The following ZNF711 variants were observed in gnomAD, a reference collection of about 807,000 sequenced individuals.
ZNF711 encodes zinc finger protein 711.
In ZNF711, 3 loss-of-function variants were observed where a neutral mutation model predicts 43.5. The ratio of observed to expected loss-of-function variants is 0.07; its 90% confidence interval spans 0.03 to 0.18. The LOEUF (loss-of-function observed/expected upper bound fraction) is 0.18. Ranked by LOEUF, ZNF711 falls within the 10% of genes least tolerant of loss-of-function variation. ZNF711 has a pLI of 1.00. For synonymous variants in ZNF711, 209 were observed against 207.7 expected (o/e 1.01, Z -0.06); for missense variants, 412 against 604.0 (o/e 0.68, Z 3.33).
At chrX:85,264,530 T>A (rs1271364054) in intron 6 of ZNF711, 100 bp downstream of exon 6, 9 of 785,393 alleles carry the variant, frequency 1.1e-5, no homozygotes, top group Admixed American at 4.0e-5. Flanking sequence ...TGGGTTTTTT[T>A]AATACGTTTT....
rs1931412347 is a variant in ZNF711 at position 85,269,746 on chromosome X, TTGA to T, written c.1103-252_1103-250del. Among the ~76,000 whole-genome samples the T allele has an allele frequency of 3.6e-5, 4 of 112,021 alleles. No homozygotes were observed. The South Asian group carries it at 1.5e-3, about 41-fold the overall frequency. On this transcript the variant is annotated intron_variant, in intron 9 of 10. Coordinates refer to ENST00000674551, the MANE Select transcript of ZNF711 (RefSeq NM_001330574.2). ...TAAAATAGAGATATTTTAAATTTAA[TTGA>T]TGATCAAATTGAGATATTTTAAAGT...
chrX:85,268,268 CT>C (rs753221892), intron 8 of ZNF711, 25 bp from the exon 9 acceptor site: 138,307 of 784,812 alleles, frequency 0.18, 5 homozygotes, highest in Non-Finnish European at 0.19. Flanking sequence ...TGTAATTGGT[CT>C]TTTTTTTTTT....
chrX:85,264,387 A>G lies in ZNF711; in HGVS notation c.735A>G (p.Lys245=). 1 of 1,205,792 alleles carries G rather than the reference A, an allele frequency of 8.3e-7. No individual in the cohort carries two copies. The highest frequency in any genetic ancestry group is 3.0e-5 in the East Asian group (1 of 33,701). ...ATGGGTTTGGTTCTGAAGTTATAAAAGTGTATATATTTAAAGCGGAGGCTG... is the reference window on the plus strand; with the variant it reads ...ATGGGTTTGGTTCTGAAGTTATAAAGGTGTATATATTTAAAGCGGAGGCTG... ...KEDGFGSEVI[K]VYIFKAEAED... is the part of the protein sequence containing the mutation. Residue 245 remains lysine (K), a synonymous_variant, in exon 6 of 11, where the codon AAA becomes AAG. Coordinates refer to ENST00000674551, the MANE Select transcript of ZNF711 (RefSeq NM_001330574.2).
chrX:85,261,955 C>T (rs543307585), intron 5 of ZNF711, among the ~76,000 whole-genome samples: 4 of 110,712 alleles, frequency 3.6e-5, no homozygotes, highest in Admixed American at 9.7e-5. Context: ...TTGTTAATTT[C>T]GTACTTTCCA....
At chrX:85,264,758 C>A (rs969770728) in intron 6 of ZNF711, among the ~76,000 whole-genome samples, 1 of 110,569 alleles carries the variant, frequency 9.0e-6, no homozygotes, top group African/African-American at 3.3e-5. Context: ...TAGGTCCTGT[C>A]ACTTAGCTGA....
At chrX:85,259,423 A>G (rs1305107287) in intron 5 of ZNF711, among the ~76,000 whole-genome samples, 5 of 111,028 alleles carry the variant, frequency 4.5e-5, no homozygotes, top group Admixed American at 1.9e-4. Context: ...GTTTTTTCCA[A>G]TTCTGTGAAA....
Position 85,264,304 on chromosome X carries a change from A to G in ZNF711, c.652A>G (p.Met218Val), listed in dbSNP as rs145883795. 3.3e-6 allele frequency: 4 copies of G among 1,203,982 alleles called. No individual in the cohort carries two copies. Among genetic ancestry groups the G allele is most frequent in the Admixed American group, 2.2e-5 (1 of 45,741 alleles). Residue 218 changes from methionine (M) to valine (V), a missense_variant, in exon 6 of 11, where the codon ATG becomes GTG. Physicochemically the swap from Met to Val is conservative, Grantham distance 21 (BLOSUM62 1). Transcript: ENST00000674551. ...LDDVGEKLEH[M>V]GNTPLKIGSD... ...TGATGTTGGAGAAAAATTAGAGCAT[A>G]TGGGGAATACACCATTAAAAATTGG...
chrX:85,268,467 A>C (rs1931293916), intron 9 of ZNF711, 126 bp downstream of exon 9: 6 of 760,408 alleles, frequency 7.9e-6, no homozygotes, highest in Non-Finnish European at 1.2e-5. Context: ...AGTCATACCT[A>C]ATCTAGTTAG....
rs887342008 is a variant in ZNF711, at chrX:85,248,877, C to A, written c.79+1226C>A. 2.7e-5 allele frequency among the ~76,000 whole-genome samples: 3 copies of A among 111,573 alleles called. 1 individual carries two copies. The highest frequency in any genetic ancestry group is 9.8e-5 in the African/African-American group (3 of 30,619). On this transcript the variant is annotated intron_variant, in intron 4 of 10. Transcript: ENST00000674551. Reference sequence around the variant, plus strand: ...ATCATTTGGTCCCCTGTAGTAAATCCCACAGTAACGGAAGTCAGTAAAGCC... The same window carrying A: ...ATCATTTGGTCCCCTGTAGTAAATCACACAGTAACGGAAGTCAGTAAAGCC...
chrX:85,253,802 G>C (rs73627342), intron 4 of ZNF711, among the ~76,000 whole-genome samples: 2,029 of 94,275 alleles, frequency 0.022, 45 homozygotes, highest in African/African-American at 0.079. Context: ...CACACACACA[G>C]ACACCCTTGG....
Position 85,272,710 on chromosome X carries a change from ATTGT to A in ZNF711, c.*884_*887del, listed in dbSNP as rs1931655739. ...TTTTAGGACAGTCTTAGCAAGTATG[ATTGT>A]TCTAGTCTTACTTGCTCTAATGTTT... On this transcript the variant is annotated 3_prime_UTR_variant, in exon 11 of 11. Coordinates refer to ENST00000674551, the MANE Select transcript of ZNF711 (RefSeq NM_001330574.2). The A allele has an allele frequency of 8.9e-6, 1 of 111,874 alleles. No homozygotes were observed. Among genetic ancestry groups the A allele is most frequent in the South Asian group, 3.7e-4 (1 of 2,697 alleles). 9.2% of individuals were successfully genotyped at this position (111,874 alleles called of 1,213,427 possible). A position where few individuals can be genotyped will look rare whatever the true frequency, so the allele number is the denominator to read the frequency against.
At chrX:85,248,894 A>G (rs1405338143) in intron 4 of ZNF711, among the ~76,000 whole-genome samples, 2 of 112,077 alleles carry the variant, frequency 1.8e-5, no homozygotes, top group Admixed American at 1.9e-4. Flanking sequence ...AACGGAAGTC[A>G]GTAAAGCCGT....
At chrX:85,253,619 A>G (rs1049246043) in intron 4 of ZNF711, among the ~76,000 whole-genome samples, 1 of 110,835 alleles carries the variant, frequency 9.0e-6, no homozygotes, top group Non-Finnish European at 1.9e-5. Context: ...AGTTTTCACC[A>G]TTTTTAACAT....
At chrX:85,249,937 A>G (rs1378698120) in intron 4 of ZNF711, among the ~76,000 whole-genome samples, 1 of 111,994 alleles carries the variant, frequency 8.9e-6, no homozygotes, top group Non-Finnish European at 1.9e-5. Context: ...AACATTTTAT[A>G]TAAGTGGAAT....
In ZNF711 at chrX:85,250,913, T is replaced by C. The variant is rs1411780420; in HGVS notation, c.79+3262T>C. On this transcript the variant is annotated intron_variant, in intron 4 of 10. Transcript: ENST00000674551. ...ATGATATTTTGTGAAATGCAAAGGT[T>C]GTCAAACAGACCTAAACCTAAAAAG... is the stretch of plus-strand genomic sequence containing the variant. Among the ~76,000 whole-genome samples, 4 of 111,507 alleles carry C rather than the reference T, an allele frequency of 3.6e-5. No individual in the cohort carries two copies. In the East Asian group the frequency reaches 1.1e-3, roughly 31 times the overall value.
rs962303847 is a variant in ZNF711, at chrX:85,255,339, G to A, written c.160G>A (p.Val54Ile). 2 of 1,209,746 alleles carry A rather than the reference G, an allele frequency of 1.7e-6. No individual in the cohort carries two copies. The highest frequency in any genetic ancestry group is 3.5e-5 in the African/African-American group (2 of 57,068). ...SVPEAVLVSD[V>I]VTDDGITLDH... ...TCCTGAAGCTGTTTTAGTTTCTGAT[G>A]TTGTCACAGATGATGGGATAACTCT... Residue 54 changes from valine to isoleucine, a missense_variant, in exon 5 of 11, where the codon GTT (valine) becomes ATT (isoleucine). This residue lies in a region of ZNF711 where 375 missense variants were observed against 514.2 expected (regional missense o/e 0.73). Coordinates refer to ENST00000674551, the MANE Select transcript of ZNF711 (RefSeq NM_001330574.2).
intron 9 of ZNF711, among the ~76,000 whole-genome samples, chrX:85,268,911 C>G (rs1485151631): frequency 9.0e-6 from 1 of 111,453 alleles, no homozygotes; most frequent in African/African-American, 3.3e-5. Context: ...GTATTTGACT[C>G]TCTAAACTTA....
Position 85,255,751 on chromosome X carries a change from A to G in ZNF711, c.572A>G (p.Asp191Gly), listed in dbSNP as rs1490472010. 1 of 1,208,764 alleles carries G rather than the reference A, an allele frequency of 8.3e-7. No individual in the cohort carries two copies. Among genetic ancestry groups the G allele is most frequent in the African/African-American group, 1.8e-5 (1 of 57,000 alleles). ...GSTVTIKTED[D>G]DDDDVKSTSE... ...ACAGTTACTATAAAAACCGAAGATG[A>G]TGATGATGATGATGTCAAGAGCACT... The change falls in exon 5 of 11, where the codon GAT (aspartate) becomes GGT (glycine). Residue 191 changes from aspartate to glycine, a missense_variant. This residue lies in a region of ZNF711 where 375 missense variants were observed against 514.2 expected (regional missense o/e 0.73). Coordinates refer to ENST00000674551, the MANE Select transcript of ZNF711 (RefSeq NM_001330574.2).
intron 10 of ZNF711, 25 bp downstream of exon 10, chrX:85,270,171 T>C (rs772111949): frequency 8.4e-7 from 1 of 1,190,732 alleles, no homozygotes; most frequent in Non-Finnish European, 1.1e-6. Context: ...TTATGAATAT[T>C]ATAATTATTT....
Sources: allele counts gnomAD v4.1 joint callset (sites outside exome capture counted in the v4.1 genomes callset), GRCh38; gene constraint gnomAD v4.1.1; regional missense constraint gnomAD v4.1.1; transcripts MANE v1.5; gene names NCBI Gene and HGNC (gene_info 2026-07-23, HGNC 2026-07-21).